CARD14: variants seen among roughly 807,000 people sequenced by gnomAD.
CARD14 encodes the protein caspase recruitment domain-containing protein 14.
CARD14 carries 107 observed loss-of-function variants against 111.5 expected under a neutral mutation model. That is an observed-to-expected ratio of 0.96 (90% CI 0.82 to 1.13). The LOEUF is 1.13. Among genes scored for constraint, CARD14 ranks in the 50% most tolerant of loss-of-function variants. The pLI is 0.00. For missense variants in CARD14, 1,322 were observed against 1,362.3 expected (o/e 0.97, Z 0.47); for synonymous variants, 617 against 579.6 (o/e 1.06, Z -0.93).
rs961267184 is a variant in CARD14 at position 80,179,238 on chromosome 17, G to T, written c.-84G>T. Reference sequence around the variant, plus strand: ...TGTGCCCAGGAGATTAACAAAGGCGGTGGCTGCAGCTCTGTGAGCAGTGGA... The same window carrying T: ...TGTGCCCAGGAGATTAACAAAGGCGTTGGCTGCAGCTCTGTGAGCAGTGGA... On this transcript the variant is annotated 5_prime_UTR_variant, in exon 4 of 24. Transcript: ENST00000648509. The T allele has an allele frequency of 6.6e-6, 1 of 152,256 alleles. No homozygotes were observed. The highest frequency in any genetic ancestry group is 6.5e-5 in the Admixed American group (1 of 15,282). 9.4% of individuals were successfully genotyped at this position (152,256 alleles called of 1,614,324 possible). A position where few individuals can be genotyped will look rare whatever the true frequency, so the allele number is the denominator to read the frequency against.
intron 7 of CARD14, 49 bp downstream of exon 7, chr17:80,184,287 C>T (rs1474278928): frequency 7.0e-7 from 1 of 1,428,240 alleles, no homozygotes; most frequent in Non-Finnish European, 9.3e-7. Context: ...CGTCTGCCCC[C>T]AGGCCTTTGT....
In CARD14 at chr17:80,202,361, C is replaced by T. The variant is rs776598351; in HGVS notation, c.2160C>T (p.Arg720=). Residue 720 remains arginine, a synonymous_variant, in exon 18 of 24, where the codon CGC becomes CGT. Transcript: ENST00000648509. ...FQGCGCWHAH[R]VNSYTMKDTA... is the part of the protein sequence containing the mutation. Reference sequence around the variant, plus strand: ...GCTGCGGCTGCTGGCATGCCCACCGCGTGAACTCTTACACCATGAAGGATA... The same window carrying T: ...GCTGCGGCTGCTGGCATGCCCACCGTGTGAACTCTTACACCATGAAGGATA... 1.8e-5 allele frequency: 29 copies of T among 1,613,318 alleles called. No individual in the cohort carries two copies. The highest frequency in any genetic ancestry group is 1.6e-4 in the East Asian group (7 of 44,860).
chr17:80,198,351 C>T lies in CARD14; in HGVS notation c.1659-48C>T. The T allele has an allele frequency of 6.4e-6, 10 of 1,562,722 alleles. No individual in the cohort carries two copies. Among genetic ancestry groups the T allele is most frequent in the Non-Finnish European group, 8.7e-6 (10 of 1,151,216 alleles). ...AGCAATGGGGAGGTGGCCTTGCCGG[C>T]TCTCCTGCTCTGGGCAGTGCACAAG... On this transcript the variant is annotated intron_variant, in intron 15 of 23. Transcript: ENST00000648509. This position sits in a 1 kb window ranked among gnomAD's most constrained non-coding sequence, Gnocchi z 7.5.
chr17:80,177,696 A>G (rs12943377), intron 2 of CARD14, among the ~76,000 whole-genome samples: 95,206 of 151,784 alleles, frequency 0.63, 30,202 homozygotes, highest in Middle Eastern at 0.73. Flanking sequence ...TCTGTCTCAA[A>G]AAAAAAAAAT....
chr17:80,208,438 G>A lies in CARD14; in HGVS notation c.*93G>A. ...CCCAGGCCCTCTTGGCACAGCTGTG[G>A]GCTCCTTGGCACATGAGGCCGGCTC... On this transcript the variant is annotated 3_prime_UTR_variant, in exon 24 of 24. Transcript: ENST00000648509. 1 of 1,208,250 alleles carries A rather than the reference G, an allele frequency of 8.3e-7. No individual in the cohort carries two copies. Among genetic ancestry groups the A allele is most frequent in the Middle Eastern group, 2.5e-4 (1 of 4,052 alleles). The allele number at this position is 1,208,250 out of a possible 1,614,324, so 74.8% of individuals were successfully genotyped here. A position where few individuals can be genotyped will look rare whatever the true frequency, so the allele number is the denominator to read the frequency against.
intron 4 of CARD14, among the ~76,000 whole-genome samples, chr17:80,180,909 C>T (rs1489831409): frequency 2.0e-5 from 3 of 152,100 alleles, no homozygotes; most frequent in Non-Finnish European, 4.4e-5. Context: ...ATTGCAGGTG[C>T]ATACCACCAT....
chr17:80,191,079 T>G (rs920580957), intron 10 of CARD14, among the ~76,000 whole-genome samples, 180 bp downstream of exon 10: 1 of 152,224 alleles, frequency 6.6e-6, no homozygotes, highest in African/African-American at 2.4e-5. Flanking sequence ...CCACATGCTG[T>G]CTCTATCATC....
chr17:80,201,648 G>T lies in CARD14; in HGVS notation c.1852-96G>T. ...AGGCAGTGGTCCTACGGCAGGGCTG[G>T]CCCGCGCCTCGCCTCAGTGCCCTCA... On this transcript the variant is annotated intron_variant, in intron 16 of 23. Transcript: ENST00000648509. The surrounding 1 kb of genome is among the most constrained non-coding windows in gnomAD (Gnocchi z 5.0). 7.5e-7 allele frequency: 1 copy of T among 1,331,202 alleles called. No homozygotes were observed. The highest frequency in any genetic ancestry group is 1.1e-6 in the Non-Finnish European group (1 of 929,308). The allele number at this position is 1,331,202 out of a possible 1,614,324, so 82.5% of individuals were successfully genotyped here. A position where few individuals can be genotyped will look rare whatever the true frequency, so the allele number is the denominator to read the frequency against.
chr17:80,207,318 G>C (rs7221289), intron 23 of CARD14, among the ~76,000 whole-genome samples: 2 of 151,832 alleles, frequency 1.3e-5, no homozygotes, highest in African/African-American at 4.8e-5. Context: ...TGGGAGGCCA[G>C]GGTGGGCAGA....
At chr17:80,178,437 C>T (rs538591560) in intron 2 of CARD14, 71 bp from the exon 3 acceptor site, 1 of 152,184 alleles carries the variant, frequency 6.6e-6, no homozygotes, top group Non-Finnish European at 1.5e-5. Flanking sequence ...TGTGACCGAA[C>T]CTTGAGTTTT....
At position 80,184,335 on chromosome 17, in the gene CARD14, T is replaced by C. The variant is rs945518073; in HGVS notation, c.675+97T>C. On this transcript the variant is annotated intron_variant, in intron 7 of 23. Coordinates refer to ENST00000648509, the MANE Select transcript of CARD14 (RefSeq NM_001366385.1). ...ATCTCCCTGGAACTCCTTTCCCCTC[T>C]TCCTTGTCTAACACTTCCCTGCCCC... The C allele has an allele frequency of 1.8e-5, 19 of 1,061,718 alleles. 1 individual carries two copies. The highest frequency in any genetic ancestry group is 2.4e-5 in the Non-Finnish European group (19 of 776,890). The allele number at this position is 1,061,718 out of a possible 1,614,324, so 65.8% of individuals were successfully genotyped here.
chr17:80,205,051 C>T lies in CARD14; in HGVS notation c.2415C>T (p.Phe805=). ...PSRMEGSSTC[F]WAESCLTLVP... ...CCTCCACAGGCTCCAGCACGTGCTT[C>T]TGGGCCGAGAGCTGCCTCACCCTGG... Residue 805 remains phenylalanine, a synonymous_variant, in exon 21 of 24, where the codon TTC becomes TTT. Coordinates refer to ENST00000648509, the MANE Select transcript of CARD14 (RefSeq NM_001366385.1). 6 of 1,602,258 alleles carry T rather than the reference C, an allele frequency of 3.7e-6. No individual in the cohort carries two copies. The highest frequency in any genetic ancestry group is 5.1e-6 in the Non-Finnish European group (6 of 1,173,654).
In CARD14 at chr17:80,208,646, T is replaced by G; in HGVS notation, c.*301T>G. ...GACAGGAGGGACGTCTTCCCATGCC[T>G]TCCCTAGAACCGGAGGCCCCGGACT... On this transcript the variant is annotated 3_prime_UTR_variant, in exon 24 of 24. Transcript: ENST00000648509. The G allele has an allele frequency of 3.1e-6, 1 of 323,834 alleles. No homozygotes were observed. The highest frequency in any genetic ancestry group is 5.6e-6 in the Non-Finnish European group (1 of 177,906). The allele number at this position is 323,834 out of a possible 1,614,324, so 20.1% of individuals were successfully genotyped here. A position where few individuals can be genotyped will look rare whatever the true frequency, so the allele number is the denominator to read the frequency against.
At chr17:80,207,877 A>G (rs2041424615) in intron 23 of CARD14, among the ~76,000 whole-genome samples, 1 of 151,694 alleles carries the variant, frequency 6.6e-6, no homozygotes, top group African/African-American at 2.4e-5. Flanking sequence ...AAAAAAAAAA[A>G]GTAAAAAAAT....
chr17:80,181,690 GTGGCCCACA>G, intron 5 of CARD14, 41 bp downstream of exon 5: 1 of 1,504,330 alleles, frequency 6.6e-7, no homozygotes, highest in Non-Finnish European at 8.9e-7. Flanking sequence ...CCAGCTTCCC[GTGGCCCACA>G]TGGCTCCACT....
intron 20 of CARD14, 41 bp downstream of exon 20, chr17:80,204,382 G>C: frequency 6.0e-6 from 9 of 1,507,262 alleles, no homozygotes; most frequent in Non-Finnish European, 8.1e-6. Context: ...CTGGCTCCAA[G>C]TGGGTGAGGG....
At position 80,188,625 on chromosome 17, in the gene CARD14, G is replaced by C; in HGVS notation, c.843+81G>C. On this transcript the variant is annotated intron_variant, in intron 8 of 23. Transcript: ENST00000648509. The surrounding 1 kb of genome is among the most constrained non-coding windows in gnomAD (Gnocchi z 4.5). The stretch of plus-strand genomic sequence containing the variant: ...CAGGCTGTGGGGTTTCTGACAGGTG[G>C]TTTAGTTAAGGTGAGGCTAAGAACA... The C allele has an allele frequency of 7.5e-7, 1 of 1,324,678 alleles. No homozygotes were observed. Among genetic ancestry groups the C allele is most frequent in the Non-Finnish European group, 9.8e-7 (1 of 1,022,692 alleles). 82.1% of individuals were successfully genotyped at this position (1,324,678 alleles called of 1,614,324 possible).
chr17:80,192,801 G>A (rs146381769), intron 12 of CARD14, among the ~76,000 whole-genome samples, 182 bp downstream of exon 12: 1,608 of 152,274 alleles, frequency 0.011, 16 homozygotes, highest in South Asian at 0.042. Context: ...CACCCAGGCT[G>A]GAGTGCAGTG....
rs537086902 is a variant in CARD14 at position 80,202,392 on chromosome 17, G to A, written c.2191G>A (p.Ala731Thr). 128 of 1,612,996 alleles carry A rather than the reference G, an allele frequency of 7.9e-5. No homozygotes were observed. The highest frequency in any genetic ancestry group is 3.0e-4 in the South Asian group (27 of 91,062). ...CTCTTACACCATGAAGGATACTGCC[G>A]CGCACGGCACCATCCCCAACTACTC... Reference protein sequence around the residue: ...VNSYTMKDTAAHGTIPNYSRA... With the variant: ...VNSYTMKDTATHGTIPNYSRA... Residue 731 changes from alanine (A) to threonine (T), a missense_variant, in exon 18 of 24, where the codon GCG becomes ACG. Transcript: ENST00000648509.
Sources: gnomAD v4.1 joint callset for allele counts (sites outside exome capture counted in the v4.1 genomes callset) on GRCh38, gnomAD v4.1.1 for gene constraint, Gnocchi (gnomAD v3.1) non-coding constraint, MANE v1.5 for transcripts, NCBI Gene and HGNC (gene_info 2026-07-23, HGNC 2026-07-21) for gene names.